Variants in CEP128 observed in about 807,000 individuals in gnomAD.
CEP128 encodes centrosomal protein 128kDa.
A neutral mutation model predicts 156.7 loss-of-function variants in CEP128; 132 were observed. The ratio of observed to expected loss-of-function variants is 0.84; its 90% confidence interval spans 0.73 to 0.97. The LOEUF (loss-of-function observed/expected upper bound fraction) is 0.97. CEP128 is among the 50% of genes least tolerant of loss of function. CEP128 has a pLI of 0.00. For missense variants in CEP128, 1,252 were observed against 1,281.9 expected (o/e 0.98, Z 0.36); for synonymous variants, 469 against 448.9 (o/e 1.04, Z -0.57).
intron 9 of CEP128, among the ~76,000 whole-genome samples, chr14:80,852,278 A>G (rs1261617445): frequency 6.6e-6 from 1 of 152,020 alleles, no homozygotes; most frequent in Admixed American, 6.6e-5. Flanking sequence ...AAGCACACAT[A>G]TATCTCTGAA....
chr14:80,578,295 A>C (rs929134211), intron 20 of CEP128, among the ~76,000 whole-genome samples: 1 of 152,186 alleles, frequency 6.6e-6, no homozygotes, highest in African/African-American at 2.4e-5. Context: ...TCAATGAGTA[A>C]ATGGAGTACC....
Position 80,740,539 on chromosome 14 carries a change from TAGATAGACAGAC to T in CEP128, c.2806+2524_2806+2535del, listed in dbSNP as rs1412650605. Reference sequence around the variant, plus strand: ...ATAGATAGATAGATAGATAGATAGATAGATAGACAGACAGATAGATAGAAATGATGCATATTT... The same window carrying T: ...ATAGATAGATAGATAGATAGATAGATAGATAGATAGAAATGATGCATATTT... On this transcript the variant is annotated intron_variant, in intron 19 of 24. Coordinates refer to ENST00000555265, the MANE Select transcript of CEP128 (RefSeq NM_152446.5). Among the ~76,000 whole-genome samples the T allele has an allele frequency of 4.8e-3, 627 of 131,098 alleles. 4 individuals carry two copies. Among genetic ancestry groups the T allele is most frequent in the East Asian group, 0.018 (66 of 3,588 alleles). 86.0% of individuals were successfully genotyped at this position (131,098 alleles called of 152,430 possible).
chr14:80,534,929 T>A (rs1889416663), intron 21 of CEP128, among the ~76,000 whole-genome samples: 1 of 149,758 alleles, frequency 6.7e-6, no homozygotes, highest in African/African-American at 2.5e-5. Context: ...AATAAATAAA[T>A]CAGATGCTTA....
chr14:80,642,158 G>A (rs966630292), intron 19 of CEP128, among the ~76,000 whole-genome samples: 12 of 151,668 alleles, frequency 7.9e-5, no homozygotes, highest in Admixed American at 1.3e-4. Flanking sequence ...GATTCCATCA[G>A]CCTACAGACA....
intron 19 of CEP128, among the ~76,000 whole-genome samples, chr14:80,644,431 C>T (rs1049884939): frequency 6.6e-6 from 1 of 152,064 alleles, no homozygotes; most frequent in African/African-American, 2.4e-5. Context: ...AGGAAGGACA[C>T]AAGCCAGTAA....
intron 19 of CEP128, among the ~76,000 whole-genome samples, chr14:80,650,451 A>C (rs533258167): frequency 6.6e-6 from 1 of 152,256 alleles, no homozygotes; most frequent in East Asian, 1.9e-4. Context: ...TTCCAAAACT[A>C]TGTTGAATAC....
Position 80,555,298 on chromosome 14 carries a change from C to T in CEP128, c.2880+3981G>A, listed in dbSNP as rs138668938. Among the ~76,000 whole-genome samples the T allele has an allele frequency of 3.5e-3, 538 of 152,156 alleles. 3 individuals carry two copies. The highest frequency in any genetic ancestry group is 0.012 in the African/African-American group (496 of 41,556). ...TTCCTGATTCTGTGGGATCTCTGTG[C>T]TCTTATTGTCTTTCAGTTTTTATAA... On this transcript the variant is annotated intron_variant, in intron 21 of 24. Coordinates refer to ENST00000555265, the MANE Select transcript of CEP128 (RefSeq NM_152446.5).
At chr14:80,740,232 C>T (rs1479587510) in intron 19 of CEP128, among the ~76,000 whole-genome samples, 1 of 152,028 alleles carries the variant, frequency 6.6e-6, no homozygotes, top group Non-Finnish European at 1.5e-5. Flanking sequence ...CACGCTCTTT[C>T]TAGGCATTGG....
At chr14:80,570,784 G>C (rs1220324095) in intron 20 of CEP128, among the ~76,000 whole-genome samples, 2 of 152,030 alleles carry the variant, frequency 1.3e-5, no homozygotes, top group Non-Finnish European at 2.9e-5. Flanking sequence ...TTCCATGGTA[G>C]AGGTTAGGGG....
At chr14:80,881,709 G>GA (rs1736173549) in intron 8 of CEP128, among the ~76,000 whole-genome samples, 1 of 152,034 alleles carries the variant, frequency 6.6e-6, no homozygotes, top group African/African-American at 2.4e-5. Flanking sequence ...ATAACACATT[G>GA]AAAAAAGGTC....
intron 19 of CEP128, among the ~76,000 whole-genome samples, chr14:80,695,475 G>A (rs563129628): frequency 4.6e-5 from 7 of 151,762 alleles, no homozygotes; most frequent in Non-Finnish European, 1.0e-4. Flanking sequence ...CAGCACTTTG[G>A]GAGGCCAAGG....
rs543535964 is a variant in CEP128, at chr14:80,597,964, A to C, written c.2807-17541T>G. Among the ~76,000 whole-genome samples the C allele has an allele frequency of 1.3e-3, 194 of 149,958 alleles. 1 individual carries two copies. The highest frequency in any genetic ancestry group is 1.9e-3 in the Non-Finnish European group (126 of 67,148). ...TTCCTCAGCTACAAAAAAAAAAAAAAAAAAAACAAAACCCTATGGCTAGCA... is the reference window on the plus strand; with the variant it reads ...TTCCTCAGCTACAAAAAAAAAAAAACAAAAAACAAAACCCTATGGCTAGCA... On this transcript the variant is annotated intron_variant, in intron 19 of 24. Coordinates refer to ENST00000555265, the MANE Select transcript of CEP128 (RefSeq NM_152446.5).
chr14:80,852,441 T>C (rs1041859563), intron 9 of CEP128, among the ~76,000 whole-genome samples: 1 of 151,252 alleles, frequency 6.6e-6, no homozygotes, highest in Non-Finnish European at 1.5e-5. Flanking sequence ...AGCAGAAAAA[T>C]CAATCAAGCA....
intron 23 of CEP128, among the ~76,000 whole-genome samples, chr14:80,515,482 C>T (rs1294627297): frequency 1.3e-5 from 2 of 152,174 alleles, no homozygotes; most frequent in Non-Finnish European, 2.9e-5. Context: ...CACCATAGCC[C>T]CAGGCCCATG....
intron 21 of CEP128, among the ~76,000 whole-genome samples, chr14:80,548,865 T>C (rs1024238532): frequency 6.6e-6 from 1 of 152,202 alleles, no homozygotes; most frequent in South Asian, 2.1e-4. Flanking sequence ...TCCTATGTTA[T>C]CATGTTTATG....
chr14:80,501,606 G>A (rs910089238), intron 24 of CEP128, among the ~76,000 whole-genome samples: 2 of 151,914 alleles, frequency 1.3e-5, no homozygotes, highest in Admixed American at 6.6e-5. Flanking sequence ...CCGGGTTCAA[G>A]CGATTCTTTT....
intron 8 of CEP128, among the ~76,000 whole-genome samples, chr14:80,884,109 A>T (rs1406984908): frequency 1.3e-5 from 2 of 152,206 alleles, no homozygotes; most frequent in Non-Finnish European, 2.9e-5. Flanking sequence ...AAGACCTCAC[A>T]CTATGAAACT....
chr14:80,690,242 A>AT (rs1896672598), intron 19 of CEP128, among the ~76,000 whole-genome samples: 1 of 140,414 alleles, frequency 7.1e-6, no homozygotes, highest in African/African-American at 2.8e-5. Context: ...CCCTGTCTCT[A>AT]TTAAAAAAAA....
At chr14:80,875,052 TTTCAGAAAA>T (rs1888216670) in intron 8 of CEP128, among the ~76,000 whole-genome samples, 1 of 152,230 alleles carries the variant, frequency 6.6e-6, no homozygotes, top group African/African-American at 2.4e-5. Context: ...TATCAGCTCA[TTTCAGAAAA>T]GGCAGCTGAG....
Sources: gnomAD v4.1 joint callset for allele counts (sites outside exome capture counted in the v4.1 genomes callset) on GRCh38, gnomAD v4.1.1 for gene constraint, MANE v1.5 for transcripts, NCBI Gene and HGNC (gene_info 2026-07-23, HGNC 2026-07-21) for gene names.